IRF2: variants seen among roughly 807,000 people sequenced by gnomAD.
The protein encoded by IRF2 is interferon regulatory factor 2.
IRF2 carries 15 observed loss-of-function variants against 40.6 expected under a neutral mutation model. That is an observed-to-expected ratio of 0.37 (90% CI 0.25 to 0.57). The LOEUF (loss-of-function observed/expected upper bound fraction) is 0.57, where lower values mean the gene tolerates loss of function less well. IRF2 is among the 20% of genes least tolerant of loss of function. The probability of loss-of-function intolerance (pLI) is 0.77; values close to 1 mark genes in which losing one functional copy is unlikely to be tolerated. For missense variants in IRF2, 317 were observed against 455.7 expected (o/e 0.70, Z 2.77); for synonymous variants, 151 against 165.5 (o/e 0.91, Z 0.67).
intron 1 of IRF2, among the ~76,000 whole-genome samples, chr4:184,442,130 C>T (rs1464795841): frequency 6.6e-6 from 1 of 152,156 alleles, no homozygotes; most frequent in African/African-American, 2.4e-5. Flanking sequence ...GAAGCAGTTT[C>T]CCAGCCTCCT....
At chr4:184,405,002 G>A (rs1736800350) in intron 6 of IRF2, among the ~76,000 whole-genome samples, 1 of 152,192 alleles carries the variant, frequency 6.6e-6, no homozygotes, top group Non-Finnish European at 1.5e-5. Flanking sequence ...CAGCACTTTG[G>A]GAGACCGAGG....
chr4:184,459,404 A>G (rs1242135391), intron 1 of IRF2, among the ~76,000 whole-genome samples: 3 of 152,230 alleles, frequency 2.0e-5, no homozygotes, highest in Non-Finnish European at 4.4e-5. Flanking sequence ...GGGGCAGGCA[A>G]TCGTTGCTAC....
In IRF2 at chr4:184,474,517, AG is replaced by A. The variant is rs1739652185; in HGVS notation, c.-146del. On this transcript the variant is annotated 5_prime_UTR_variant, in exon 1 of 9. Coordinates refer to ENST00000393593, the MANE Select transcript of IRF2 (RefSeq NM_002199.4). The surrounding 1 kb of genome is among the most constrained non-coding windows in gnomAD (Gnocchi z 5.6). ...TAAAAGTTACTCCCCGGCTTGCCTG[AG>A]AACAGTCCAGATCGAAAGCAAAACA... The A allele has an allele frequency of 6.6e-6, 1 of 152,446 alleles. No individual in the cohort carries two copies. The highest frequency in any genetic ancestry group is 1.5e-5 in the Non-Finnish European group (1 of 68,218). 9.4% of individuals were successfully genotyped at this position (152,446 alleles called of 1,614,324 possible).
intron 5 of IRF2, among the ~76,000 whole-genome samples, chr4:184,412,620 G>A (rs1737118582): frequency 6.6e-6 from 1 of 152,192 alleles, no homozygotes; most frequent in South Asian, 2.1e-4. Context: ...CTTGGCGAGT[G>A]CACACACCCA....
chr4:184,459,583 G>T (rs1739059011), intron 1 of IRF2, among the ~76,000 whole-genome samples: 1 of 152,154 alleles, frequency 6.6e-6, no homozygotes, highest in Admixed American at 6.5e-5. Flanking sequence ...TACATATACT[G>T]TAATGGGGAG....
In IRF2 at chr4:184,389,172, C is replaced by T. The variant is rs1447113934; in HGVS notation, c.742-106G>A. The T allele has an allele frequency of 3.6e-6, 4 of 1,118,866 alleles. No individual in the cohort carries two copies. In the Admixed American group the frequency reaches 8.1e-5, roughly 23 times the overall value. 69.3% of individuals were successfully genotyped at this position (1,118,866 alleles called of 1,614,324 possible). On this transcript the variant is annotated intron_variant, in intron 8 of 8. Coordinates refer to ENST00000393593, the MANE Select transcript of IRF2 (RefSeq NM_002199.4). ...TGGTGGCTCATGCCTGTAATCCCAG[C>T]ACTTTGGGAGGCTGAGGCTGGAGGA...
chr4:184,417,409 C>G (rs1404048682), intron 5 of IRF2, among the ~76,000 whole-genome samples: 1 of 152,196 alleles, frequency 6.6e-6, no homozygotes, highest in Non-Finnish European at 1.5e-5. Context: ...CCAGGGAGCT[C>G]GACAATCTCT....
intron 1 of IRF2, among the ~76,000 whole-genome samples, chr4:184,464,027 T>C (rs1233244525): frequency 6.6e-6 from 1 of 152,122 alleles, no homozygotes; most frequent in Admixed American, 6.5e-5. Context: ...ATGCATATGA[T>C]GCGAAGATAG....
intron 5 of IRF2, among the ~76,000 whole-genome samples, chr4:184,410,494 C>G (rs1379717594): frequency 6.6e-6 from 1 of 152,188 alleles, no homozygotes; most frequent in Non-Finnish European, 1.5e-5. Flanking sequence ...AATTCTCCAT[C>G]TCTCCAACAG....
chr4:184,445,573 T>G (rs1255781214), intron 1 of IRF2, among the ~76,000 whole-genome samples: 7 of 150,542 alleles, frequency 4.6e-5, no homozygotes, highest in Admixed American at 4.0e-4. Context: ...GAGAATCGCT[T>G]GAACCCTGGA....
intron 2 of IRF2, among the ~76,000 whole-genome samples, chr4:184,425,976 G>GTTTTT (rs199619909): frequency 6.0e-5 from 4 of 66,998 alleles, no homozygotes; most frequent in South Asian, 4.7e-4. Context: ...GCTCACTCCG[G>GTTTTT]TTTTTGTTTG....
rs1378999503 is a variant in IRF2 at position 184,408,475 on chromosome 4, T to A, written c.412-200A>T. ...CAGGGTGCACTGCTGGGTATTCAGC[T>A]CCTTCCATTTTCCTTCAAGGAAACG... On this transcript the variant is annotated intron_variant, in intron 5 of 8. Coordinates refer to ENST00000393593, the MANE Select transcript of IRF2 (RefSeq NM_002199.4). The surrounding 1 kb of genome is among the most constrained non-coding windows in gnomAD (Gnocchi z 4.9). Among the ~76,000 whole-genome samples, 1 of 152,200 alleles carries A rather than the reference T, an allele frequency of 6.6e-6. No individual in the cohort carries two copies. Among genetic ancestry groups the A allele is most frequent in the Non-Finnish European group, 1.5e-5 (1 of 68,028 alleles).
Position 184,408,244 on chromosome 4 carries a change from CT to C in IRF2, c.442del (p.Ser148ValfsTer4). The C allele has an allele frequency of 6.2e-7, 1 of 1,613,202 alleles. No individual in the cohort carries two copies. The highest frequency in any genetic ancestry group is 8.5e-7 in the Non-Finnish European group (1 of 1,179,070). On this transcript the variant is annotated frameshift_variant, in exon 6 of 9. Coordinates refer to ENST00000393593, the MANE Select transcript of IRF2 (RefSeq NM_002199.4). LOFTEE classifies it high-confidence loss of function. The surrounding 1 kb of genome is among the most constrained non-coding windows in gnomAD (Gnocchi z 4.9). ...AGGAGAAAGATCACTTACTCCATTA[CT>C]AAGCCCCAGAGATGACTCAACTGGT... ...QEPVESSLGLSNGVSDLSPEY... is the reference protein window; with the variant it reads ...QEPVESSLGLXNGVSDLSPEY...
chr4:184,403,907 C>T (rs1388514923), intron 6 of IRF2, among the ~76,000 whole-genome samples: 2 of 152,026 alleles, frequency 1.3e-5, no homozygotes, highest in African/African-American at 4.8e-5. Context: ...AAAAGAGTCA[C>T]CCACAGGAAT....
intron 1 of IRF2, among the ~76,000 whole-genome samples, chr4:184,470,606 G>T (rs13151876): frequency 0.2 from 30,511 of 149,536 alleles, 3,547 homozygotes; most frequent in South Asian, 0.31. Context: ...CACAGGAATT[G>T]CTTGAACCTG....
chr4:184,456,166 A>AG (rs965686878), intron 1 of IRF2, among the ~76,000 whole-genome samples: 51 of 152,076 alleles, frequency 3.4e-4, no homozygotes, highest in African/African-American at 1.1e-3. Context: ...TCTGCATCAG[A>AG]CTCACCCCCA....
rs752541681 is a variant in IRF2, at chr4:184,413,314, A to T, written c.411+4853T>A. 2.6e-5 allele frequency among the ~76,000 whole-genome samples: 4 copies of T among 152,072 alleles called. No individual in the cohort carries two copies. Among genetic ancestry groups the T allele is most frequent in the African/African-American group, 9.7e-5 (4 of 41,416 alleles). On this transcript the variant is annotated intron_variant, in intron 5 of 8. Coordinates refer to ENST00000393593, the MANE Select transcript of IRF2 (RefSeq NM_002199.4). The surrounding 1 kb of genome is among the most constrained non-coding windows in gnomAD (Gnocchi z 4.2). The stretch of plus-strand genomic sequence containing the variant: ...TAAAACTGTCCCTCAAGCTCTTCCA[A>T]CTGGGTTCGGAGCTCCCGTTCTGAG...
Position 184,411,151 on chromosome 4 carries a change from G to A in IRF2, c.412-2876C>T, listed in dbSNP as rs544039625. 2.3e-3 allele frequency among the ~76,000 whole-genome samples: 341 copies of A among 151,232 alleles called. 1 individual carries two copies. Among genetic ancestry groups the A allele is most frequent in the African/African-American group, 7.9e-3 (324 of 41,100 alleles). ...TGGCTCACTGCAACCTCCACCTCCC[G>A]GGTTCAAGAGATTCTCCTGCCTCAG... On this transcript the variant is annotated intron_variant, in intron 5 of 8. Coordinates refer to ENST00000393593, the MANE Select transcript of IRF2 (RefSeq NM_002199.4).
intron 1 of IRF2, among the ~76,000 whole-genome samples, chr4:184,429,372 T>A (rs1308788041): frequency 6.6e-6 from 1 of 152,116 alleles, no homozygotes; most frequent in Non-Finnish European, 1.5e-5. Context: ...GGAGGCTTTA[T>A]CCCCACTGCA....
Sources: allele counts gnomAD v4.1 joint callset (sites outside exome capture counted in the v4.1 genomes callset), GRCh38; gene constraint gnomAD v4.1.1; non-coding constraint Gnocchi (gnomAD v3.1); transcripts MANE v1.5; gene names NCBI Gene and HGNC (gene_info 2026-07-23, HGNC 2026-07-21).